DIAPH2: variants seen among roughly 807,000 people sequenced by gnomAD.
The protein encoded by DIAPH2 is protein diaphanous homolog 2.
DIAPH2 carries 35 observed loss-of-function variants against 92.7 expected under a neutral mutation model. That is an observed-to-expected ratio of 0.38 (90% confidence interval 0.29 to 0.50). DIAPH2 has a LOEUF of 0.50. DIAPH2 is among the 20% of genes least tolerant of loss of function. DIAPH2 has a pLI of 0.94. For synonymous variants in DIAPH2, 301 were observed against 280.4 expected (o/e 1.07, Z -0.73); for missense variants, 701 against 819.5 (o/e 0.86, Z 1.77).
At chrX:97,414,745 A>C (rs996205502) in intron 25 of DIAPH2, among the ~76,000 whole-genome samples, 2 of 111,408 alleles carry the variant, frequency 1.8e-5, no homozygotes, top group African/African-American at 6.5e-5. Context: ...AGTGTTAGAC[A>C]TAAAGCCATA....
At chrX:97,443,242 G>C (rs1215701588) in intron 26 of DIAPH2, among the ~76,000 whole-genome samples, 1 of 111,535 alleles carries the variant, frequency 9.0e-6, no homozygotes, top group African/African-American at 3.3e-5. Context: ...ATTATTTCTT[G>C]GTATCTTTTG....
At chrX:96,704,330 A>G (rs981647227) in intron 1 of DIAPH2, among the ~76,000 whole-genome samples, 1 of 111,912 alleles carries the variant, frequency 8.9e-6, no homozygotes, top group African/African-American at 3.2e-5. Context: ...GAAGACAGGA[A>G]CTTCCTGAGT....
rs12687484 is a variant in DIAPH2, at chrX:97,040,576, C to T, written c.2051-32365C>T. On this transcript the variant is annotated intron_variant, in intron 17 of 26. Transcript: ENST00000324765. ...ACATTTTTGTATATGTTGCTGGAGG[C>T]GCTTTTGCACTGCTATGTTTTAGAA... 1.7e-3 allele frequency among the ~76,000 whole-genome samples: 188 copies of T among 110,210 alleles called. 7 individuals carry two copies. The East Asian group carries it at 0.046, about 27-fold the overall frequency.
chrX:97,292,065 A>G (rs774037144), intron 23 of DIAPH2, among the ~76,000 whole-genome samples: 4 of 84,867 alleles, frequency 4.7e-5, no homozygotes, highest in African/African-American at 1.6e-4. Context: ...AGCTACTTAT[A>G]GAAGCAATTT....
intron 23 of DIAPH2, among the ~76,000 whole-genome samples, chrX:97,282,781 A>G (rs917698169): frequency 6.3e-5 from 7 of 111,988 alleles, no homozygotes; most frequent in African/African-American, 1.9e-4. Flanking sequence ...CTAACATGAT[A>G]GTGGTAGTTC....
At chrX:97,001,128 C>T (rs776014635) in intron 17 of DIAPH2, among the ~76,000 whole-genome samples, 12 of 111,636 alleles carry the variant, frequency 1.1e-4, no homozygotes, top group East Asian at 5.6e-4. Flanking sequence ...TTTAAATGTT[C>T]CCTTTGGTGT....
At chrX:97,075,883 T>C (rs982451761) in intron 19 of DIAPH2, among the ~76,000 whole-genome samples, 19 of 112,290 alleles carry the variant, frequency 1.7e-4, no homozygotes, top group African/African-American at 6.2e-4. Flanking sequence ...GTGGTGTAAG[T>C]TGCAAAGTAC....
At chrX:97,123,346 T>G (rs187955335) in intron 21 of DIAPH2, among the ~76,000 whole-genome samples, 6 of 112,208 alleles carry the variant, frequency 5.3e-5, no homozygotes, top group Admixed American at 2.8e-4. Flanking sequence ...TGGGTTTTTG[T>G]TTCCTACACT....
chrX:96,743,477 C>T (rs777505977), intron 3 of DIAPH2, among the ~76,000 whole-genome samples: 1 of 111,793 alleles, frequency 8.9e-6, no homozygotes, highest in Admixed American at 9.5e-5. Flanking sequence ...TTCTCCACAT[C>T]CTGGTCAACA....
At chrX:97,508,976 A>C (rs2147834915) in intron 26 of DIAPH2, among the ~76,000 whole-genome samples, 1 of 109,484 alleles carries the variant, frequency 9.1e-6, no homozygotes, top group East Asian at 2.8e-4. Flanking sequence ...CAAAAAAAAA[A>C]CAGATTACCC....
chrX:96,913,835 G>T (rs193138573), intron 7 of DIAPH2, among the ~76,000 whole-genome samples: 26 of 110,509 alleles, frequency 2.4e-4, no homozygotes, highest in African/African-American at 7.8e-4. Flanking sequence ...TCTAAAAATA[G>T]ACTTTACTCA....
rs560463719 is a variant in DIAPH2, at chrX:96,829,525, G to A, written c.448-52054G>A. ...TTGTTTGTTTTTGAGATGGAGTCTCGCTCTGTCGCCCAGGCTAGATTACAA... is the reference window on the plus strand; with the variant it reads ...TTGTTTGTTTTTGAGATGGAGTCTCACTCTGTCGCCCAGGCTAGATTACAA... On this transcript the variant is annotated intron_variant, in intron 4 of 26. Transcript: ENST00000324765. Among the ~76,000 whole-genome samples, 119 of 108,881 alleles carry A rather than the reference G, an allele frequency of 1.1e-3. No homozygotes were observed. In the South Asian group the frequency reaches 0.044, roughly 40 times the overall value. 94.6% of individuals were successfully genotyped at this position (108,881 alleles called of 115,157 possible). A position where few individuals can be genotyped will look rare whatever the true frequency, so the allele number is the denominator to read the frequency against.
intron 23 of DIAPH2, among the ~76,000 whole-genome samples, chrX:97,256,776 T>C (rs758410174): frequency 1.8e-5 from 2 of 111,658 alleles, no homozygotes; most frequent in South Asian, 7.5e-4. Flanking sequence ...GTGATTCTTC[T>C]GCCTCAGCCT....
intron 4 of DIAPH2, among the ~76,000 whole-genome samples, chrX:96,768,701 C>T (rs942468804): frequency 2.7e-5 from 3 of 111,166 alleles, no homozygotes; most frequent in Non-Finnish European, 5.7e-5. Context: ...ACATCAAGTG[C>T]GAAGGCCTTG....
chrX:97,046,733 A>C (rs1198442329), intron 17 of DIAPH2, among the ~76,000 whole-genome samples: 3 of 112,015 alleles, frequency 2.7e-5, no homozygotes, highest in African/African-American at 9.7e-5. Flanking sequence ...ATGTCAAGGA[A>C]TACATCTTGG....
intron 26 of DIAPH2, among the ~76,000 whole-genome samples, chrX:97,548,800 T>C (rs1310607060): frequency 8.9e-6 from 1 of 112,577 alleles, no homozygotes; most frequent in Non-Finnish European, 1.9e-5. Flanking sequence ...AATATTACTT[T>C]AAACCATTAT....
chrX:97,396,165 C>A (rs1180669483), intron 25 of DIAPH2, among the ~76,000 whole-genome samples: 1 of 112,065 alleles, frequency 8.9e-6, no homozygotes, highest in Non-Finnish European at 1.9e-5. Context: ...AAATGAATAA[C>A]AGCTGTTATA....
intron 3 of DIAPH2, among the ~76,000 whole-genome samples, chrX:96,743,652 A>C (rs1043950769): frequency 1.8e-5 from 2 of 111,871 alleles, no homozygotes; most frequent in Non-Finnish European, 3.8e-5. Context: ...ATTTCATAGA[A>C]GTCGAGAGTA....
intron 23 of DIAPH2, among the ~76,000 whole-genome samples, chrX:97,296,423 T>C (rs1250133671): frequency 3.6e-5 from 4 of 112,257 alleles, no homozygotes; most frequent in Non-Finnish European, 5.6e-5. Flanking sequence ...ATGTATATTA[T>C]TTTATAATTA....
Sources: allele counts gnomAD v4.1 joint callset (sites outside exome capture counted in the v4.1 genomes callset), GRCh38; gene constraint gnomAD v4.1.1; transcripts MANE v1.5; gene names NCBI Gene and HGNC (gene_info 2026-07-23, HGNC 2026-07-21).